The following VPS16 variants were observed in gnomAD, a reference collection of about 807,000 sequenced individuals.
VPS16 encodes the protein VPS16 core subunit of CORVET and HOPS complexes.
Under a neutral mutation model 116.0 loss-of-function variants are expected in VPS16, and 82 were observed. The observed-to-expected ratio is 0.71, with a 90% CI of 0.59 to 0.85. The LOEUF (loss-of-function observed/expected upper bound fraction) is 0.85, where lower values mean the gene tolerates loss of function less well. Ranked by LOEUF, VPS16 falls within the 40% of genes least tolerant of loss-of-function variation. VPS16 has a pLI of 0.00. For synonymous variants in VPS16, 406 were observed against 420.7 expected (o/e 0.96, Z 0.43); for missense variants, 928 against 1,090.6 (o/e 0.85, Z 2.10).
At chr20:2,848,453 G>C (rs1024318786) in intron 1 of VPS16, among the ~76,000 whole-genome samples, 3 of 152,154 alleles carry the variant, frequency 2.0e-5, no homozygotes, top group Non-Finnish European at 2.9e-5. Context: ...AATAGTGAGC[G>C]GAGCCACTCC....
chr20:2,860,536 T>A lies in VPS16; in HGVS notation c.457T>A (p.Phe153Ile). Residue 153 changes from phenylalanine (F) to isoleucine (I), a missense_variant, in exon 5 of 24, where the codon TTC becomes ATC. By Grantham distance (21) the Phe-to-Ile change is conservative. Coordinates refer to ENST00000380445, the MANE Select transcript of VPS16 (RefSeq NM_022575.4). This position sits in a 1 kb window ranked among gnomAD's most constrained non-coding sequence, Gnocchi z 6.1. ...GVAILTGAHR[F>I]TLSANVGDLK... The stretch of plus-strand genomic sequence containing the variant: ...GGCCATCCTCACAGGGGCCCACCGC[T>A]TCACCCTCAGTGCCAATGTGGGTGA... 6.2e-7 allele frequency: 1 copy of A among 1,613,986 alleles called. No individual in the cohort carries two copies. Among genetic ancestry groups the A allele is most frequent in the Admixed American group, 1.7e-5 (1 of 60,022 alleles).
At chr20:2,849,869 A>G (rs897700962) in intron 1 of VPS16, among the ~76,000 whole-genome samples, 2 of 152,244 alleles carry the variant, frequency 1.3e-5, no homozygotes, top group African/African-American at 4.8e-5. Flanking sequence ...GCAAGTGCAT[A>G]CAGTGGGTTA....
Position 2,851,479 on chromosome 20 carries a change from A to G in VPS16, c.54-8240A>G, listed in dbSNP as rs548366791. Reference sequence around the variant, plus strand: ...CCAGTTTGAGACCAGCCTGGCCAACATGGTGAAACCCCATCTCTACTAAAA... The same window carrying G: ...CCAGTTTGAGACCAGCCTGGCCAACGTGGTGAAACCCCATCTCTACTAAAA... On this transcript the variant is annotated intron_variant, in intron 1 of 23. Coordinates refer to ENST00000380445, the MANE Select transcript of VPS16 (RefSeq NM_022575.4). Among the ~76,000 whole-genome samples the G allele has an allele frequency of 5.9e-5, 9 of 152,210 alleles. No homozygotes were observed. In the South Asian group the frequency reaches 8.3e-4, roughly 14 times the overall value.
intron 2 of VPS16, 92 bp from the exon 3 acceptor site, chr20:2,859,962 A>T: frequency 6.5e-7 from 1 of 1,547,326 alleles, no homozygotes; most frequent in Non-Finnish European, 8.9e-7. Context: ...CCTGCTTCAC[A>T]TGGGGTGGGC....
chr20:2,860,204 C>T lies in VPS16; in HGVS notation c.241-35C>T, dbSNP rs2089212051. 1.2e-6 allele frequency: 2 copies of T among 1,613,848 alleles called. No homozygotes were observed. Among genetic ancestry groups the T allele is most frequent in the African/African-American group, 2.7e-5 (2 of 74,916 alleles). ...TCAGGGCTGGACAGGGTTTCCTCAC[C>T]TGAGGACAGCCTTAGGAACCTCTCT... On this transcript the variant is annotated intron_variant, in intron 3 of 23. Coordinates refer to ENST00000380445, the MANE Select transcript of VPS16 (RefSeq NM_022575.4). This position sits in a 1 kb window ranked among gnomAD's most constrained non-coding sequence, Gnocchi z 6.1.
In VPS16 at chr20:2,860,766, C is replaced by A; in HGVS notation, c.533C>A (p.Ser178Tyr). The A allele has an allele frequency of 6.2e-7, 1 of 1,613,988 alleles. No individual in the cohort carries two copies. The highest frequency in any genetic ancestry group is 8.5e-7 in the Non-Finnish European group (1 of 1,180,036). Residue 178 changes from serine to tyrosine, a missense_variant, in exon 6 of 24, where the codon TCC becomes TAC. By Grantham distance (144) the Ser-to-Tyr change is moderately radical (BLOSUM62 -2). Coordinates refer to ENST00000380445, the MANE Select transcript of VPS16 (RefSeq NM_022575.4). The surrounding 1 kb of genome is among the most constrained non-coding windows in gnomAD (Gnocchi z 6.1). ...PEVPGLQSAP[S>Y]CWTVLCQDRV... ...GCCATAGGTCTGCAAAGTGCACCCTCCTGCTGGACTGTGCTGTGCCAGGAC... is the reference window on the plus strand; with the variant it reads ...GCCATAGGTCTGCAAAGTGCACCCTACTGCTGGACTGTGCTGTGCCAGGAC...
intron 1 of VPS16, among the ~76,000 whole-genome samples, chr20:2,855,450 G>A (rs1379574163): frequency 1.3e-5 from 2 of 152,112 alleles, no homozygotes; most frequent in Non-Finnish European, 2.9e-5. Flanking sequence ...TTTCAGAATG[G>A]TAAATGAGCA....
intron 1 of VPS16, among the ~76,000 whole-genome samples, chr20:2,858,324 C>T (rs1323033391): frequency 6.6e-6 from 1 of 152,114 alleles, no homozygotes; most frequent in East Asian, 1.9e-4. Flanking sequence ...CCAGGCCAGT[C>T]TCGGTCCACT....
chr20:2,858,036 T>G (rs1443075344), intron 1 of VPS16, among the ~76,000 whole-genome samples: 2 of 152,092 alleles, frequency 1.3e-5, no homozygotes, highest in African/African-American at 4.8e-5. Flanking sequence ...ATAGATTGAT[T>G]TTTGTTGATC....
intron 1 of VPS16, among the ~76,000 whole-genome samples, chr20:2,858,115 G>A (rs1408727637): frequency 6.9e-6 from 1 of 144,742 alleles, no homozygotes; most frequent in Non-Finnish European, 1.5e-5. Flanking sequence ...TTTTTTTTGA[G>A]ACAGGGTCTC....
intron 1 of VPS16, among the ~76,000 whole-genome samples, chr20:2,850,098 G>T (rs1308121677): frequency 6.6e-6 from 1 of 152,202 alleles, no homozygotes; most frequent in African/African-American, 2.4e-5. Flanking sequence ...AATGCTGGTG[G>T]GTCAGCTGGG....
rs552694409 is a variant in VPS16, at chr20:2,859,453, C to T, written c.54-266C>T. On this transcript the variant is annotated intron_variant, in intron 1 of 23. Transcript: ENST00000380445. ...CGCAGCCTGCCTGGCTCAAGAGCTC[C>T]TGCCATCCTTGGACACTTGCCCCAA... 7.9e-5 allele frequency among the ~76,000 whole-genome samples: 12 copies of T among 152,316 alleles called. No homozygotes were observed. The East Asian group carries it at 2.3e-3, about 29-fold the overall frequency.
At position 2,866,000 on chromosome 20, in the gene VPS16, T is replaced by C; in HGVS notation, c.2272-212T>C. ...AAGCGTGGAAATAATTGGTCTCAAGTCTCTGACAGAGCTTTGGTTTAGGTG... is the reference window on the plus strand; with the variant it reads ...AAGCGTGGAAATAATTGGTCTCAAGCCTCTGACAGAGCTTTGGTTTAGGTG... On this transcript the variant is annotated intron_variant, in intron 22 of 23. Transcript: ENST00000380445. The surrounding 1 kb of genome is among the most constrained non-coding windows in gnomAD (Gnocchi z 5.2). The C allele has an allele frequency of 1.7e-6, 1 of 586,458 alleles. No individual in the cohort carries two copies. Among genetic ancestry groups the C allele is most frequent in the South Asian group, 2.0e-5 (1 of 49,116 alleles). The allele number at this position is 586,458 out of a possible 1,614,324, so 36.3% of individuals were successfully genotyped here.
intron 1 of VPS16, among the ~76,000 whole-genome samples, chr20:2,859,428 C>T (rs908192142): frequency 4.6e-5 from 7 of 152,222 alleles, no homozygotes; most frequent in Non-Finnish European, 7.3e-5. Flanking sequence ...ATGTTGGCCA[C>T]GCAGCCTGCC....
At position 2,865,998 on chromosome 20, in the gene VPS16, A is replaced by G. The variant is rs1256623344; in HGVS notation, c.2272-214A>G. On this transcript the variant is annotated intron_variant, in intron 22 of 23. Coordinates refer to ENST00000380445, the MANE Select transcript of VPS16 (RefSeq NM_022575.4). This position sits in a 1 kb window ranked among gnomAD's most constrained non-coding sequence, Gnocchi z 5.2. ...AGAAGCGTGGAAATAATTGGTCTCA[A>G]GTCTCTGACAGAGCTTTGGTTTAGG... The G allele has an allele frequency of 6.9e-6, 4 of 583,904 alleles. No individual in the cohort carries two copies. Among genetic ancestry groups the G allele is most frequent in the Non-Finnish European group, 1.2e-5 (4 of 327,522 alleles). The allele number at this position is 583,904 out of a possible 1,614,324, so 36.2% of individuals were successfully genotyped here. A position where few individuals can be genotyped will look rare whatever the true frequency, so the allele number is the denominator to read the frequency against.
chr20:2,862,039 A>G lies in VPS16; in HGVS notation c.995-15A>G, dbSNP rs6051449. ...TCCCTGCCTTTCTCCCTCACTCACC[A>G]ACTCCCTTCCCCAGCGGCCAGCGAG... On this transcript the variant is annotated splice_polypyrimidine_tract_variant and intron_variant, in intron 10 of 23. Transcript: ENST00000380445. 1 of 1,611,280 alleles carries G rather than the reference A, an allele frequency of 6.2e-7. No homozygotes were observed. The highest frequency in any genetic ancestry group is 1.3e-5 in the African/African-American group (1 of 74,822).
intron 1 of VPS16, among the ~76,000 whole-genome samples, chr20:2,843,157 AGCGTGGTGGCTCAC>A (rs1196922075): frequency 6.6e-6 from 1 of 152,080 alleles, no homozygotes; most frequent in East Asian, 1.9e-4. Context: ...CAATTGGCCG[AGCGTGGTGGCTCAC>A]GCCTGTAATC....
In VPS16 at chr20:2,863,162, G is replaced by A. The variant is rs1600004921; in HGVS notation, c.1367+62G>A. 2.5e-6 allele frequency: 4 copies of A among 1,613,306 alleles called. No homozygotes were observed. Among genetic ancestry groups the A allele is most frequent in the Non-Finnish European group, 3.4e-6 (4 of 1,179,684 alleles). On this transcript the variant is annotated intron_variant, in intron 14 of 23. Transcript: ENST00000380445. The surrounding 1 kb of genome is among the most constrained non-coding windows in gnomAD (Gnocchi z 4.4). ...AGGGGGGTGGGCATTACAGCCTTGGGTGGGGTCTTATGGTCACTGCTCCTG... is the reference window on the plus strand; with the variant it reads ...AGGGGGGTGGGCATTACAGCCTTGGATGGGGTCTTATGGTCACTGCTCCTG...
At chr20:2,847,946 G>A (rs775107325) in intron 1 of VPS16, among the ~76,000 whole-genome samples, 3 of 152,102 alleles carry the variant, frequency 2.0e-5, no homozygotes, top group Non-Finnish European at 4.4e-5. Context: ...GCCCACCTTA[G>A]AGTACAGCCA....
Sources: allele counts gnomAD v4.1 joint callset (sites outside exome capture counted in the v4.1 genomes callset), GRCh38; gene constraint gnomAD v4.1.1; non-coding constraint Gnocchi (gnomAD v3.1); transcripts MANE v1.5; gene names NCBI Gene and HGNC (gene_info 2026-07-23, HGNC 2026-07-21).